Variants in NLN observed in about 807,000 individuals in gnomAD.
The protein encoded by NLN is neurolysin.
In NLN, 64 loss-of-function variants were observed where a neutral mutation model predicts 79.9. That is an observed-to-expected ratio of 0.80 (90% confidence interval 0.65 to 0.99). The LOEUF is 0.99. NLN is among the 50% of genes least tolerant of loss of function. The pLI is 0.00. For synonymous variants in NLN, 267 were observed against 296.6 expected (o/e 0.90, Z 1.02); for missense variants, 835 against 858.7 (o/e 0.97, Z 0.34).
chr5:65,752,386 G>T (rs995099872), intron 1 of NLN, among the ~76,000 whole-genome samples: 5 of 152,198 alleles, frequency 3.3e-5, no homozygotes, highest in African/African-American at 4.8e-5. Context: ...TAGACAACTG[G>T]AATCTCAGAT....
chr5:65,774,575 T>C (rs186135133), intron 3 of NLN, among the ~76,000 whole-genome samples: 56 of 152,190 alleles, frequency 3.7e-4, no homozygotes, highest in African/African-American at 1.3e-3. Flanking sequence ...GCCTTACTCC[T>C]ACCAAAGAAC....
At chr5:65,759,467 G>A (rs1759295196) in intron 2 of NLN, among the ~76,000 whole-genome samples, 1 of 151,842 alleles carries the variant, frequency 6.6e-6, no homozygotes. Flanking sequence ...GAGAGAGATT[G>A]ATTGATAGAT....
At chr5:65,773,087 G>A (rs961339072) in intron 3 of NLN, among the ~76,000 whole-genome samples, 1 of 150,880 alleles carries the variant, frequency 6.6e-6, no homozygotes, top group African/African-American at 2.4e-5. Flanking sequence ...CAAACTGCTG[G>A]GATTACAGGC....
intron 12 of NLN, among the ~76,000 whole-genome samples, chr5:65,814,097 C>A (rs185043767): frequency 6.8e-4 from 103 of 152,256 alleles, no homozygotes; most frequent in Admixed American, 1.8e-3. Context: ...ACTCTGATAA[C>A]CCCAATCAGT....
At position 65,809,526 on chromosome 5, in the gene NLN, A is replaced by T; in HGVS notation, c.1539A>T (p.Ala513=). ...MHQICAQTDF[A]RFSGTNVETD... is the part of the protein sequence containing the mutation. ...TGTTTGCTTTCTAGACTGATTTTGC[A>T]CGATTTAGCGGAACAAATGTGGAAA... is the stretch of plus-strand genomic sequence containing the variant. The change falls in exon 10 of 13, where the codon GCA becomes GCT. Residue 513 remains alanine, a synonymous_variant. Coordinates refer to ENST00000380985, the MANE Select transcript of NLN (RefSeq NM_020726.5). 1 of 1,596,282 alleles carries T rather than the reference A, an allele frequency of 6.3e-7. No homozygotes were observed. Among genetic ancestry groups the T allele is most frequent in the South Asian group, 1.1e-5 (1 of 87,504 alleles).
At chr5:65,733,978 A>T (rs1372236777) in intron 1 of NLN, among the ~76,000 whole-genome samples, 1 of 134,870 alleles carries the variant, frequency 7.4e-6, no homozygotes, top group East Asian at 2.0e-4. Context: ...GCTCACTGCA[A>T]CCTCTGCCTC....
chr5:65,783,084 C>T (rs569076044), intron 6 of NLN, among the ~76,000 whole-genome samples: 2 of 152,244 alleles, frequency 1.3e-5, no homozygotes, highest in East Asian at 3.9e-4. Context: ...GCACAGTTAA[C>T]TCAAATAAGA....
intron 9 of NLN, among the ~76,000 whole-genome samples, chr5:65,800,812 T>TC (rs1031679376): frequency 3.9e-5 from 6 of 151,914 alleles, no homozygotes; most frequent in African/African-American, 1.5e-4. Flanking sequence ...CATCTCAGAC[T>TC]CCTGAGTAGC....
chr5:65,803,788 T>C (rs1760346573), intron 9 of NLN, among the ~76,000 whole-genome samples: 1 of 152,170 alleles, frequency 6.6e-6, no homozygotes, highest in Non-Finnish European at 1.5e-5. Flanking sequence ...GTGAGGCTCT[T>C]GCCCTGCCAA....
chr5:65,789,586 G>A (rs967628292), intron 8 of NLN, among the ~76,000 whole-genome samples: 2 of 152,078 alleles, frequency 1.3e-5, no homozygotes, highest in Admixed American at 1.3e-4. Flanking sequence ...AGATCAGCCT[G>A]GCCAATATGG....
chr5:65,804,101 G>T (rs1180417747), intron 9 of NLN, among the ~76,000 whole-genome samples: 3 of 152,176 alleles, frequency 2.0e-5, no homozygotes, highest in Non-Finnish European at 2.9e-5. Context: ...TTGTATTTTA[G>T]ATCCCATCCA....
chr5:65,723,542 C>CTG (rs1053608014), intron 1 of NLN, among the ~76,000 whole-genome samples: 5 of 152,132 alleles, frequency 3.3e-5, no homozygotes, highest in African/African-American at 1.2e-4. Flanking sequence ...CGGCCGGGCG[C>CTG]TGTGGCTCAT....
chr5:65,828,606 G>A lies in NLN; in HGVS notation c.*5691G>A, dbSNP rs1760963681. The stretch of plus-strand genomic sequence containing the variant: ...GAGAAACGGTTGGAAAATATGAGGA[G>A]GATTTAGTTCAGTACGAGGAAGCTG... On this transcript the variant is annotated 3_prime_UTR_variant, in exon 13 of 13. Coordinates refer to ENST00000380985, the MANE Select transcript of NLN (RefSeq NM_020726.5). The A allele has an allele frequency of 6.6e-6, 1 of 152,090 alleles. No individual in the cohort carries two copies. Among genetic ancestry groups the A allele is most frequent in the African/African-American group, 2.4e-5 (1 of 41,388 alleles). The allele number at this position is 152,090 out of a possible 1,614,324, so 9.4% of individuals were successfully genotyped here.
intron 1 of NLN, among the ~76,000 whole-genome samples, chr5:65,747,249 C>CA (rs1297216973): frequency 6.6e-6 from 1 of 152,032 alleles, no homozygotes; most frequent in Non-Finnish European, 1.5e-5. Flanking sequence ...CAACTACTGA[C>CA]AGTGAGAGGA....
intron 1 of NLN, among the ~76,000 whole-genome samples, chr5:65,751,769 A>G (rs1199960640): frequency 6.6e-6 from 1 of 152,240 alleles, no homozygotes; most frequent in African/African-American, 2.4e-5. Flanking sequence ...TATTTGTCCA[A>G]ATGAAATTCT....
At chr5:65,748,259 T>A (rs1410860611) in intron 1 of NLN, among the ~76,000 whole-genome samples, 3 of 151,850 alleles carry the variant, frequency 2.0e-5, no homozygotes, top group Non-Finnish European at 4.4e-5. Flanking sequence ...GTGGGAGAAG[T>A]CTGTTAGAGT....
intron 9 of NLN, among the ~76,000 whole-genome samples, chr5:65,794,753 CAT>C (rs1243882097): frequency 6.6e-6 from 1 of 152,164 alleles, no homozygotes; most frequent in South Asian, 2.1e-4. Context: ...GTTGTCCTGA[CAT>C]GTGCAGAATC....
intron 3 of NLN, among the ~76,000 whole-genome samples, chr5:65,766,646 T>TC (rs1455321541): frequency 6.6e-6 from 1 of 152,108 alleles, no homozygotes; most frequent in Non-Finnish European, 1.5e-5. Flanking sequence ...TCCCCAACAG[T>TC]CCCCCATAGT....
chr5:65,765,884 G>A (rs894449153), intron 3 of NLN, among the ~76,000 whole-genome samples: 1 of 152,042 alleles, frequency 6.6e-6, no homozygotes, highest in Non-Finnish European at 1.5e-5. Flanking sequence ...ATCCCAATTG[G>A]ATATAAAATG....
Sources: gnomAD v4.1 joint callset for allele counts (sites outside exome capture counted in the v4.1 genomes callset) on GRCh38, gnomAD v4.1.1 for gene constraint, MANE v1.5 for transcripts, NCBI Gene and HGNC (gene_info 2026-07-23, HGNC 2026-07-21) for gene names.